Variants in PTPRT observed in about 807,000 individuals in gnomAD.
The protein encoded by PTPRT is protein tyrosine phosphatase receptor type T.
Under a neutral mutation model 176.8 loss-of-function variants are expected in PTPRT, and 56 were observed. The observed-to-expected ratio is 0.32, with a 90% CI of 0.26 to 0.40. The LOEUF is 0.40. Ranked by LOEUF, PTPRT falls within the 10% of genes least tolerant of loss-of-function variation. The pLI, the probability that PTPRT is intolerant of heterozygous loss-of-function variation, is 1.00. For missense variants in PTPRT, 1,540 were observed against 1,908.2 expected, an observed-to-expected ratio of 0.81 and a Z score of 3.60; for synonymous variants, 783 against 739.0, an observed-to-expected ratio of 1.06 and a Z score of -0.96.
At position 42,073,968 on chromosome 20, in the gene PTPRT, C is replaced by A. The variant is rs1982536512; in HGVS notation, c.*6911G>T. ...TATCCTCTCTGGCAGACAGCAGGTT[C>A]TTCCTTACAGCTATTAAGTTTCACT... On this transcript the variant is annotated 3_prime_UTR_variant, in exon 31 of 31. Coordinates refer to ENST00000373187, the MANE Select transcript of PTPRT (RefSeq NM_007050.6). 4.3e-6 allele frequency: 1 copy of A among 230,590 alleles called. No homozygotes were observed. The allele number at this position is 230,590 out of a possible 1,614,324, so 14.3% of individuals were successfully genotyped here. A position where few individuals can be genotyped will look rare whatever the true frequency, so the allele number is the denominator to read the frequency against.
chr20:42,636,988 G>A (rs1467930640), intron 7 of PTPRT, among the ~76,000 whole-genome samples: 1 of 151,920 alleles, frequency 6.6e-6, no homozygotes, highest in Non-Finnish European at 1.5e-5. Context: ...CATGGAAGAT[G>A]GTGCCTCTGA....
intron 1 of PTPRT, among the ~76,000 whole-genome samples, chr20:43,149,222 C>T (rs1369918570): frequency 1.3e-5 from 2 of 152,110 alleles, no homozygotes; most frequent in Non-Finnish European, 2.9e-5. Flanking sequence ...TAAAAATATG[C>T]CCCTGTGCAT....
At chr20:43,043,960 T>G (rs1376948345) in intron 1 of PTPRT, among the ~76,000 whole-genome samples, 1 of 152,106 alleles carries the variant, frequency 6.6e-6, no homozygotes, top group Non-Finnish European at 1.5e-5. Flanking sequence ...ACAGCTGATA[T>G]GCCCAAGTCT....
At chr20:42,439,291 AC>A (rs1401730867) in intron 9 of PTPRT, among the ~76,000 whole-genome samples, 1 of 152,184 alleles carries the variant, frequency 6.6e-6, no homozygotes, top group Non-Finnish European at 1.5e-5. Context: ...CACAAAAAAA[AC>A]CACAACAGGA....
rs77402420 is a variant in PTPRT, at chr20:42,398,479, G to A, written c.1561-46194C>T. ...CATCTCAAAGATGGAGTACTATATCGTCATTAAATGATGCAAAATATTATT... is the reference window on the plus strand; with the variant it reads ...CATCTCAAAGATGGAGTACTATATCATCATTAAATGATGCAAAATATTATT... On this transcript the variant is annotated intron_variant, in intron 9 of 30. Transcript: ENST00000373187. 7.6e-3 allele frequency among the ~76,000 whole-genome samples: 1,160 copies of A among 152,206 alleles called. 14 individuals are homozygous for A. Among genetic ancestry groups the A allele is most frequent in the African/African-American group, 0.02 (825 of 41,512 alleles).
intron 12 of PTPRT, among the ~76,000 whole-genome samples, chr20:42,290,462 T>C (rs527938427): frequency 2.0e-4 from 31 of 152,088 alleles, no homozygotes; most frequent in African/African-American, 7.5e-4. Flanking sequence ...AATTTCCCCA[T>C]CAATCAAATG....
At chr20:42,983,902 G>A in intron 1 of PTPRT, among the ~76,000 whole-genome samples, 1 of 152,104 alleles carries the variant, frequency 6.6e-6, no homozygotes, top group East Asian at 1.9e-4. Context: ...GTCCCAATTT[G>A]CCCTTCTCCA....
chr20:43,109,402 C>G (rs2012763883), intron 1 of PTPRT, among the ~76,000 whole-genome samples: 2 of 152,152 alleles, frequency 1.3e-5, no homozygotes, highest in Admixed American at 1.3e-4. Flanking sequence ...TCAGGAACCA[C>G]AGGCACCCAC....
At chr20:42,216,188 C>T (rs2055766465) in intron 15 of PTPRT, among the ~76,000 whole-genome samples, 1 of 152,208 alleles carries the variant, frequency 6.6e-6, no homozygotes, top group Non-Finnish European at 1.5e-5. Context: ...CACCAGCTCA[C>T]AACTGCCTCC....
At chr20:42,493,464 C>T (rs6030284) in intron 7 of PTPRT, among the ~76,000 whole-genome samples, 5,399 of 152,064 alleles carry the variant, frequency 0.036, 326 homozygotes, top group African/African-American at 0.12. Flanking sequence ...AAGCACAGTA[C>T]GTCAGTGATC....
chr20:42,791,772 T>C (rs1253008683), intron 2 of PTPRT, among the ~76,000 whole-genome samples: 1 of 152,260 alleles, frequency 6.6e-6, no homozygotes, highest in Non-Finnish European at 1.5e-5. Flanking sequence ...TATTACTGTT[T>C]GCAGAAAACA....
intron 7 of PTPRT, among the ~76,000 whole-genome samples, chr20:42,550,119 G>A (rs920484046): frequency 4.6e-5 from 7 of 152,048 alleles, no homozygotes; most frequent in Admixed American, 2.6e-4. Flanking sequence ...TCTTCTGTAC[G>A]CCCCTTGCTT....
At chr20:42,402,554 GA>G (rs2058919497) in intron 9 of PTPRT, among the ~76,000 whole-genome samples, 1 of 147,358 alleles carries the variant, frequency 6.8e-6, no homozygotes, top group African/African-American at 2.5e-5. Flanking sequence ...AGCCAGTTCT[GA>G]AAGGCATTGA....
intron 2 of PTPRT, among the ~76,000 whole-genome samples, chr20:42,848,786 T>G (rs912246228): frequency 2.0e-4 from 31 of 152,244 alleles, no homozygotes; most frequent in Admixed American, 2.0e-3. Context: ...GCTGATTGTT[T>G]CTTTGGCTGT....
At chr20:42,934,145 C>A (rs1462744792) in intron 1 of PTPRT, among the ~76,000 whole-genome samples, 1 of 152,168 alleles carries the variant, frequency 6.6e-6, no homozygotes, top group East Asian at 1.9e-4. Flanking sequence ...ATTTACCCAT[C>A]TCATTACGGC....
chr20:42,644,492 T>A (rs886484978), intron 7 of PTPRT, among the ~76,000 whole-genome samples: 8 of 152,106 alleles, frequency 5.3e-5, no homozygotes, highest in African/African-American at 1.9e-4. Flanking sequence ...ATCAATATGC[T>A]CTTCATCACT....
chr20:42,211,354 C>T (rs1023845481), intron 15 of PTPRT, among the ~76,000 whole-genome samples: 66 of 151,084 alleles, frequency 4.4e-4, no homozygotes, highest in Admixed American at 1.5e-3. Context: ...TCAGAGTGAA[C>T]GGGCAACCTA....
At chr20:42,140,519 C>T (rs948681956) in intron 18 of PTPRT, among the ~76,000 whole-genome samples, 4 of 152,322 alleles carry the variant, frequency 2.6e-5, no homozygotes, top group African/African-American at 7.2e-5. Context: ...CTCTCTTCCT[C>T]ACCCCCCAGA....
chr20:42,584,942 A>G (rs1215965605), intron 7 of PTPRT, among the ~76,000 whole-genome samples: 5 of 152,192 alleles, frequency 3.3e-5, no homozygotes, highest in African/African-American at 1.2e-4. Flanking sequence ...CTTTTAGCAC[A>G]TATTGGCTAA....
Sources: allele counts gnomAD v4.1 joint callset (sites outside exome capture counted in the v4.1 genomes callset), GRCh38; gene constraint gnomAD v4.1.1; transcripts MANE v1.5; gene names NCBI Gene and HGNC (gene_info 2026-07-23, HGNC 2026-07-21).